PPHLN1: variants seen among roughly 807,000 people sequenced by gnomAD.
The protein encoded by PPHLN1 is periphilin-1.
In PPHLN1, 29 loss-of-function variants were observed where a neutral mutation model predicts 51.3. The ratio of observed to expected loss-of-function variants is 0.57; its 90% confidence interval spans 0.42 to 0.77. The LOEUF is 0.77. PPHLN1 is among the 30% of genes least tolerant of loss of function. PPHLN1 has a pLI of 0.00. For missense variants in PPHLN1, 436 were observed against 438.4 expected, an observed-to-expected ratio of 0.99 and a Z score of 0.05; for synonymous variants, 147 against 147.8, an observed-to-expected ratio of 0.99 and a Z score of 0.04.
chr12:42,404,838 A>G (rs1231567665), intron 9 of PPHLN1, among the ~76,000 whole-genome samples: 5 of 152,066 alleles, frequency 3.3e-5, no homozygotes, highest in Non-Finnish European at 7.4e-5. Context: ...GACCAGCCTC[A>G]CCAACATGGT....
At chr12:42,390,596 C>T (rs925713649) in intron 7 of PPHLN1, among the ~76,000 whole-genome samples, 1 of 151,762 alleles carries the variant, frequency 6.6e-6, no homozygotes, top group Admixed American at 6.6e-5. Context: ...CTACATGCAA[C>T]TGTGGCCCAG....
chr12:42,340,867 G>A (rs1262965993), intron 2 of PPHLN1, among the ~76,000 whole-genome samples: 1 of 151,840 alleles, frequency 6.6e-6, no homozygotes, highest in Admixed American at 6.6e-5. Context: ...ACCCACTATC[G>A]TTAGTGCTTG....
intron 2 of PPHLN1, among the ~76,000 whole-genome samples, chr12:42,339,371 T>A (rs1283827605): frequency 6.7e-6 from 1 of 150,262 alleles, no homozygotes; most frequent in Non-Finnish European, 1.5e-5. Flanking sequence ...CTCAGGTGCA[T>A]TTTTTTTTTC....
At chr12:42,335,773 C>G in intron 1 of PPHLN1, 110 bp from the exon 2 acceptor site, 47 of 212,818 alleles carry the variant, frequency 2.2e-4, no homozygotes, top group East Asian at 6.4e-4. Context: ...TTTTTTTTTT[C>G]TCTTAAGATC....
intron 9 of PPHLN1, among the ~76,000 whole-genome samples, chr12:42,416,340 T>C (rs1444988833): frequency 6.6e-6 from 1 of 152,198 alleles, no homozygotes; most frequent in African/African-American, 2.4e-5. Flanking sequence ...CTTGACTTGG[T>C]AGAAATTGGA....
intron 9 of PPHLN1, among the ~76,000 whole-genome samples, chr12:42,430,295 A>ACC (rs1555221760): frequency 1.3e-5 from 2 of 151,474 alleles, no homozygotes; most frequent in African/African-American, 4.9e-5. Flanking sequence ...ACACACACAC[A>ACC]CCCTTACAGT....
intron 4 of PPHLN1, among the ~76,000 whole-genome samples, chr12:42,363,117 A>G (rs888845734): frequency 6.6e-6 from 1 of 152,172 alleles, no homozygotes; most frequent in East Asian, 1.9e-4. Flanking sequence ...TATGAGTGAT[A>G]AAGTTTTTTC....
At chr12:42,392,937 G>A (rs1312808808) in intron 7 of PPHLN1, among the ~76,000 whole-genome samples, 4 of 152,120 alleles carry the variant, frequency 2.6e-5, no homozygotes, top group African/African-American at 9.7e-5. Flanking sequence ...AAGGCTCATG[G>A]TGTCGTAAGT....
intron 9 of PPHLN1, chr12:42,400,373 C>G (rs1428303796): frequency 1.4e-5 from 2 of 146,864 alleles, no homozygotes; most frequent in African/African-American, 5.0e-5. Flanking sequence ...GAGGCTGAGG[C>G]AGGAGAATGG....
At chr12:42,408,897 C>T (rs1319993676) in intron 9 of PPHLN1, among the ~76,000 whole-genome samples, 3 of 152,178 alleles carry the variant, frequency 2.0e-5, no homozygotes, top group Non-Finnish European at 4.4e-5. Flanking sequence ...AGTTCTCCCA[C>T]TTAACTGGGT....
At chr12:42,381,761 A>C (rs1332231724) in intron 5 of PPHLN1, among the ~76,000 whole-genome samples, 1 of 152,186 alleles carries the variant, frequency 6.6e-6, no homozygotes, top group Non-Finnish European at 1.5e-5. Flanking sequence ...ATGATCCAGT[A>C]AAAAATTTTC....
At chr12:42,377,072 T>A (rs776873624) in intron 5 of PPHLN1, among the ~76,000 whole-genome samples, 17 of 151,282 alleles carry the variant, frequency 1.1e-4, no homozygotes, top group Non-Finnish European at 1.6e-4. Flanking sequence ...CACAAGTTTG[T>A]AAACTTTCTT....
In PPHLN1 at chr12:42,377,301, CTTTTTTT is replaced by C. The variant is rs11297368; in HGVS notation, c.511+2240_511+2246del. Among the ~76,000 whole-genome samples the C allele has an allele frequency of 3.8e-3, 399 of 105,006 alleles. 1 individual carries two copies. The highest frequency in any genetic ancestry group is 0.012 in the African/African-American group (364 of 31,098). The allele number at this position is 105,006 out of a possible 152,430, so 68.9% of individuals were successfully genotyped here. On this transcript the variant is annotated intron_variant, in intron 5 of 9. Transcript: ENST00000358314. The stretch of plus-strand genomic sequence containing the variant: ...CTAAGACCCTTAAAATTTTTTCTTT[CTTTTTTT>C]TTTTTTTTTTTTGTCTGAGACGGAG...
chr12:42,373,335 G>T (rs1475621100), intron 4 of PPHLN1, among the ~76,000 whole-genome samples: 1 of 152,106 alleles, frequency 6.6e-6, no homozygotes, highest in African/African-American at 2.4e-5. Flanking sequence ...CATTATTAGT[G>T]TTCTATACCA....
In PPHLN1 at chr12:42,341,615, A is replaced by AATT. The variant is rs372548741; in HGVS notation, c.72+5660_72+5662dup. On this transcript the variant is annotated intron_variant, in intron 2 of 9. Transcript: ENST00000358314. ...TTTAGCACTTTATGGTATGCTTTTAAATTATTATTATTATTATTATTTTTT... is the reference window on the plus strand; with the variant it reads ...TTTAGCACTTTATGGTATGCTTTTAAATTATTATTATTATTATTATTATTTTTT... Among the ~76,000 whole-genome samples, 128 of 151,810 alleles carry AATT rather than the reference A, an allele frequency of 8.4e-4. 1 individual carries two copies. Among genetic ancestry groups the AATT allele is most frequent in the African/African-American group, 2.5e-3 (102 of 41,402 alleles).
intron 9 of PPHLN1, among the ~76,000 whole-genome samples, chr12:42,416,846 G>T (rs963458448): frequency 1.3e-5 from 2 of 152,144 alleles, no homozygotes; most frequent in Admixed American, 6.6e-5. Flanking sequence ...ACTGAATTTT[G>T]AAGGTAGAAT....
intron 4 of PPHLN1, among the ~76,000 whole-genome samples, chr12:42,360,914 C>T (rs907151595): frequency 6.6e-6 from 1 of 152,068 alleles, no homozygotes; most frequent in Non-Finnish European, 1.5e-5. Flanking sequence ...GTTGTCCTTC[C>T]CCCTGAAATT....
intron 9 of PPHLN1, among the ~76,000 whole-genome samples, chr12:42,405,301 A>G (rs1217278365): frequency 6.6e-6 from 1 of 152,188 alleles, no homozygotes; most frequent in Non-Finnish European, 1.5e-5. Flanking sequence ...TCTCTTAACT[A>G]TTGTTTAATT....
intron 6 of PPHLN1, 24 bp downstream of exon 6, chr12:42,385,020 T>C: frequency 6.3e-7 from 1 of 1,581,504 alleles, no homozygotes; most frequent in African/African-American, 1.3e-5. Flanking sequence ...TAGACTCTGA[T>C]TTGGGATTGT....
Sources: gnomAD v4.1 joint callset for allele counts (sites outside exome capture counted in the v4.1 genomes callset) on GRCh38, gnomAD v4.1.1 for gene constraint, MANE v1.5 for transcripts, NCBI Gene and HGNC (gene_info 2026-07-23, HGNC 2026-07-21) for gene names.